The following SGCD variants were observed in gnomAD, a reference collection of about 807,000 sequenced individuals.
SGCD encodes delta-sarcoglycan.
SGCD carries 18 observed loss-of-function variants against 36.6 expected under a neutral mutation model. The ratio of observed to expected loss-of-function variants is 0.49; its 90% confidence interval spans 0.34 to 0.73. The LOEUF is 0.73. SGCD is among the 30% of genes least tolerant of loss of function. SGCD has a pLI of 0.01. For synonymous variants in SGCD, 133 were observed against 130.6 expected (o/e 1.02, Z -0.12); for missense variants, 387 against 346.7 (o/e 1.12, Z -0.92).
intron 3 of SGCD, among the ~76,000 whole-genome samples, chr5:156,471,373 G>A (rs540082336): frequency 1.3e-5 from 2 of 152,216 alleles, no homozygotes; most frequent in Non-Finnish European, 2.9e-5. Flanking sequence ...AAATGTTGAA[G>A]AACTTACACT....
At chr5:155,810,307 A>G in the SGCD span, among the ~76,000 whole-genome samples, 1 of 152,088 alleles carries the variant, frequency 6.6e-6, no homozygotes, top group East Asian at 1.9e-4. Context: ...ACTGATGTTC[A>G]TTTATGTCTA....
chr5:155,944,373 G>A (rs1300993481), intron 1 of SGCD, among the ~76,000 whole-genome samples: 2 of 152,140 alleles, frequency 1.3e-5, no homozygotes, highest in Non-Finnish European at 2.9e-5. Context: ...TGCCATTCCA[G>A]ACAATGACTA....
intron 3 of SGCD, among the ~76,000 whole-genome samples, chr5:156,381,601 CATT>C (rs950162023): frequency 8.5e-5 from 13 of 152,132 alleles, no homozygotes; most frequent in African/African-American, 1.4e-4. Context: ...TAAAATTAAT[CATT>C]ATGCATTTTA....
At chr5:155,914,843 T>C (rs1446890395) in intron 1 of SGCD, among the ~76,000 whole-genome samples, 1 of 152,190 alleles carries the variant, frequency 6.6e-6, no homozygotes, top group African/African-American at 2.4e-5. Context: ...AACAATTCAC[T>C]TGGCTTACCA....
chr5:156,376,547 C>A (rs1770680084), intron 3 of SGCD, among the ~76,000 whole-genome samples: 1 of 152,132 alleles, frequency 6.6e-6, no homozygotes, highest in East Asian at 1.9e-4. Context: ...CACATTGACC[C>A]TAATGAGATT....
chr5:155,947,617 A>G (rs1156352607), intron 1 of SGCD, among the ~76,000 whole-genome samples: 3 of 152,092 alleles, frequency 2.0e-5, no homozygotes, highest in Non-Finnish European at 4.4e-5. Context: ...TGGGTATTAG[A>G]GTATCCATCT....
intron 3 of SGCD, among the ~76,000 whole-genome samples, chr5:156,242,680 T>TA (rs1765334315): frequency 7.0e-6 from 1 of 141,878 alleles, no homozygotes; most frequent in South Asian, 2.2e-4. Flanking sequence ...CATTTAATTT[T>TA]AAAAAAAGAA....
intron 4 of SGCD, among the ~76,000 whole-genome samples, chr5:156,516,466 C>A (rs913441643): frequency 4.6e-5 from 7 of 152,084 alleles, no homozygotes; most frequent in Non-Finnish European, 7.4e-5. Context: ...GAACAGAAAG[C>A]AACAACAACA....
chr5:156,588,168 C>T (rs1760573817), intron 4 of SGCD, among the ~76,000 whole-genome samples: 1 of 151,758 alleles, frequency 6.6e-6, no homozygotes, highest in African/African-American at 2.4e-5. Flanking sequence ...ACTTCTAAAC[C>T]AAGTGTTAGC....
the SGCD span, among the ~76,000 whole-genome samples, chr5:155,824,414 A>G: frequency 6.6e-6 from 1 of 152,202 alleles, no homozygotes; most frequent in Non-Finnish European, 1.5e-5. Flanking sequence ...TCATTATTGT[A>G]ACAGATAAAA....
intron 3 of SGCD, among the ~76,000 whole-genome samples, chr5:156,194,862 A>G (rs1763985488): frequency 1.3e-5 from 2 of 152,096 alleles, no homozygotes; most frequent in South Asian, 4.1e-4. Flanking sequence ...ATAACATAAG[A>G]ACTATAGGAT....
the SGCD span, among the ~76,000 whole-genome samples, chr5:155,855,371 A>T: frequency 5.3e-5 from 8 of 152,236 alleles, no homozygotes; most frequent in Admixed American, 3.9e-4. Flanking sequence ...TTGTTTGATA[A>T]TATGCCCTTT....
At chr5:155,969,782 T>G (rs1705135457) in intron 1 of SGCD, among the ~76,000 whole-genome samples, 1 of 152,072 alleles carries the variant, frequency 6.6e-6, no homozygotes, top group African/African-American at 2.4e-5. Flanking sequence ...TCCTACCCAG[T>G]GGGTCATCAA....
chr5:155,922,505 G>A (rs997791233), intron 1 of SGCD, among the ~76,000 whole-genome samples: 29 of 152,184 alleles, frequency 1.9e-4, no homozygotes, highest in African/African-American at 4.6e-4. Context: ...TTTATTTGGC[G>A]TCTATGATTT....
chr5:156,737,391 T>C (rs62382382), intron 7 of SGCD, among the ~76,000 whole-genome samples: 7 of 152,156 alleles, frequency 4.6e-5, no homozygotes, highest in Non-Finnish European at 8.8e-5. Flanking sequence ...ATAATATTAA[T>C]GTGACTTCTT....
intron 3 of SGCD, among the ~76,000 whole-genome samples, chr5:156,487,407 C>A (rs1755724808): frequency 6.6e-6 from 1 of 152,122 alleles, no homozygotes; most frequent in African/African-American, 2.4e-5. Context: ...ACTGTTACAC[C>A]AGATGTGCAG....
chr5:156,547,222 T>C (rs1758610329), intron 4 of SGCD, among the ~76,000 whole-genome samples: 1 of 152,092 alleles, frequency 6.6e-6, no homozygotes, highest in Non-Finnish European at 1.5e-5. Context: ...CTGTCCTTTG[T>C]ATTGTGGGGT....
intron 3 of SGCD, among the ~76,000 whole-genome samples, chr5:156,410,084 T>G (rs770969808): frequency 6.6e-6 from 1 of 152,140 alleles, no homozygotes; most frequent in Non-Finnish European, 1.5e-5. Flanking sequence ...TGAGTTTCAG[T>G]TGCCTCATGT....
chr5:156,222,409 A>C (rs373139524), intron 3 of SGCD, among the ~76,000 whole-genome samples: 28 of 152,260 alleles, frequency 1.8e-4, no homozygotes, highest in Middle Eastern at 6.8e-3. Flanking sequence ...ACAGACTTAA[A>C]ATTTTTTTTT....
Sources: gnomAD v4.1 joint callset for allele counts (sites outside exome capture counted in the v4.1 genomes callset) on GRCh38, gnomAD v4.1.1 for gene constraint, MANE v1.5 for transcripts, NCBI Gene and HGNC (gene_info 2026-07-23, HGNC 2026-07-21) for gene names.